JAKMIP3: variants seen among roughly 807,000 people sequenced by gnomAD.
JAKMIP3 encodes janus kinase and microtubule-interacting protein 3.
Under a neutral mutation model 118.5 loss-of-function variants are expected in JAKMIP3, and 58 were observed. That is an observed-to-expected ratio of 0.49 (90% CI 0.40 to 0.61). The LOEUF (loss-of-function observed/expected upper bound fraction) is 0.61. Among genes scored for constraint, JAKMIP3 ranks in the 20% least tolerant of loss-of-function variants. The pLI is 0.00. For missense variants in JAKMIP3, 950 were observed against 1,109.0 expected (o/e 0.86, Z 2.04); for synonymous variants, 486 against 451.2 (o/e 1.08, Z -0.98).
rs780250498 is a variant in JAKMIP3 at position 132,141,958 on chromosome 10, G to A, written c.1512G>A (p.Gln504=). 8.8e-6 allele frequency: 14 copies of A among 1,597,514 alleles called. 1 individual carries two copies. In the South Asian group the frequency reaches 1.2e-4, roughly 14 times the overall value. Reference sequence around the variant, plus strand: ...AGGAGACGGAGCTGAGGTTCCGGCAGCTGACCATGGAGTACCAGGCCCTGC... The same window carrying A: ...AGGAGACGGAGCTGAGGTTCCGGCAACTGACCATGGAGTACCAGGCCCTGC... ...AKEETELRFR[Q]LTMEYQALQR... is the part of the protein sequence containing the mutation. Residue 504 remains glutamine, a synonymous_variant, in exon 11 of 24, where the codon CAG becomes CAA. Coordinates refer to ENST00000684848, the MANE Select transcript of JAKMIP3 (RefSeq NM_001323087.2).
At chr10:132,166,212 G>A (rs1020666382) in intron 21 of JAKMIP3, among the ~76,000 whole-genome samples, 2 of 152,026 alleles carry the variant, frequency 1.3e-5, no homozygotes, top group Non-Finnish European at 2.9e-5. Flanking sequence ...TATAATCTCC[G>A]TTACTCAGGG....
Position 132,048,667 on chromosome 10 carries a change from C to CTTTTTTTTTTT in JAKMIP3, c.-138+11934_-138+11944dup, listed in dbSNP as rs35729418. Among the ~76,000 whole-genome samples the CTTTTTTTTTTT allele has an allele frequency of 1.1e-4, 14 of 129,764 alleles. 1 individual carries two copies. Among genetic ancestry groups the CTTTTTTTTTTT allele is most frequent in the East Asian group, 4.8e-4 (2 of 4,190 alleles). 85.1% of individuals were successfully genotyped at this position (129,764 alleles called of 152,430 possible). A position where few individuals can be genotyped will look rare whatever the true frequency, so the allele number is the denominator to read the frequency against. ...AATTCCAGGCTTGACTGTTTCTTTT[C>CTTTTTTTTTTT]TTTTTTTTTTTTTTTGAGATGGAGT... is the stretch of plus-strand genomic sequence containing the variant. On this transcript the variant is annotated intron_variant, in intron 1 of 23. Transcript: ENST00000657785.
intron 1 of JAKMIP3, among the ~76,000 whole-genome samples, chr10:132,103,437 TGGG>T (rs1425700349): frequency 1.5e-5 from 1 of 67,898 alleles, no homozygotes; most frequent in Non-Finnish European, 2.6e-5. Flanking sequence ...GAGGAGCACC[TGGG>T]GGAGAGGAGC....
At chr10:132,068,426 A>T (rs2039274632) in intron 1 of JAKMIP3, among the ~76,000 whole-genome samples, 2 of 152,182 alleles carry the variant, frequency 1.3e-5, no homozygotes, top group Non-Finnish European at 2.9e-5. Flanking sequence ...AGCCACTGAG[A>T]TGACTCTTTT....
chr10:132,055,240 G>T (rs1407487609), intron 1 of JAKMIP3, among the ~76,000 whole-genome samples: 1 of 152,146 alleles, frequency 6.6e-6, no homozygotes, highest in Non-Finnish European at 1.5e-5. Flanking sequence ...GCTATCAATA[G>T]AACTCTTTTC....
chr10:132,048,543 T>C (rs1318052833), intron 1 of JAKMIP3, among the ~76,000 whole-genome samples: 1 of 152,236 alleles, frequency 6.6e-6, no homozygotes, highest in Non-Finnish European at 1.5e-5. Flanking sequence ...CTTCAGGAGC[T>C]CCTGGCTGGC....
rs574102502 is a variant in JAKMIP3 at position 132,153,047 on chromosome 10, C to T, written c.2073+24C>T. 17 of 1,586,102 alleles carry T rather than the reference C, an allele frequency of 1.1e-5. No individual in the cohort carries two copies. In the Middle Eastern group the frequency reaches 8.3e-4, roughly 77 times the overall value. On this transcript the variant is annotated intron_variant, in intron 17 of 23. Transcript: ENST00000684848. ...AGGTAACAGCAGCTGTGTGGACAGT[C>T]GGGAGAGGGCCGGGCTCCTGGGGTC...
rs188197385 is a variant in JAKMIP3 at position 132,093,758 on chromosome 10, C to T, written c.-137-10914C>T. Among the ~76,000 whole-genome samples the T allele has an allele frequency of 9.2e-5, 14 of 152,186 alleles. No individual in the cohort carries two copies. The East Asian group carries it at 2.1e-3, about 23-fold the overall frequency. On this transcript the variant is annotated intron_variant, in intron 1 of 23. Transcript: ENST00000684848. ...CACCCACTGTCCTGCCCCCACTGTC[C>T]GACAAGCCCCAGTGAGATGAACCCA...
chr10:132,114,284 C>G (rs2047302386), intron 2 of JAKMIP3, among the ~76,000 whole-genome samples: 3 of 152,266 alleles, frequency 2.0e-5, no homozygotes, highest in Admixed American at 2.0e-4. Flanking sequence ...GGTGCGATCA[C>G]AGCTCACTGC....
intron 1 of JAKMIP3, among the ~76,000 whole-genome samples, chr10:132,102,874 A>G (rs558294569): frequency 1.3e-5 from 2 of 151,178 alleles, no homozygotes; most frequent in Admixed American, 1.3e-4. Context: ...ATGCAGGAGT[A>G]GGGGGGGAGG....
In JAKMIP3 at chr10:132,148,033, A is replaced by G; in HGVS notation, c.1831A>G (p.Arg611Gly). ...ARDQNELLEF[R>G]ILELEERERK... ...AGACCAAAACGAGCTGCTGGAGTTC[A>G]GGATCCTGGAGCTTGAGGTAGCTGA... Residue 611 changes from arginine (R) to glycine (G), a missense_variant, in exon 14 of 24, where the codon AGG becomes GGG. By Grantham distance (125) the Arg-to-Gly change is moderately radical. Transcript: ENST00000684848. 6.2e-7 allele frequency: 1 copy of G among 1,608,380 alleles called. No individual in the cohort carries two copies. The highest frequency in any genetic ancestry group is 8.5e-7 in the Non-Finnish European group (1 of 1,177,196).
intron 19 of JAKMIP3, among the ~76,000 whole-genome samples, chr10:132,162,902 C>T (rs933977305): frequency 8.5e-5 from 13 of 152,218 alleles, no homozygotes; most frequent in Non-Finnish European, 1.8e-4. Flanking sequence ...CCCCACAGGC[C>T]ACCTGCAGCC....
At chr10:132,169,586 G>A (rs7906713) in intron 23 of JAKMIP3, among the ~76,000 whole-genome samples, 2,846 of 152,162 alleles carry the variant, frequency 0.019, 88 homozygotes, top group African/African-American at 0.064. Flanking sequence ...GGGACTCAGC[G>A]GGGCCCTGGG....
intron 21 of JAKMIP3, among the ~76,000 whole-genome samples, chr10:132,165,522 C>T (rs966058661): frequency 6.6e-6 from 1 of 152,180 alleles, no homozygotes; most frequent in African/African-American, 2.4e-5. Flanking sequence ...GGGCTCCCTC[C>T]GAGGGCTGAA....
chr10:132,175,696 G>T (rs2060080278), intron 23 of JAKMIP3, among the ~76,000 whole-genome samples: 1 of 152,298 alleles, frequency 6.6e-6, no homozygotes, highest in East Asian at 1.9e-4. Flanking sequence ...GTCACAGACT[G>T]CCGCCTCCAT....
chr10:132,160,001 GGGGGGGCCTCTCCCTGTGTGATGCT>G, intron 19 of JAKMIP3, among the ~76,000 whole-genome samples: 1 of 34,478 alleles, frequency 2.9e-5, no homozygotes, highest in Non-Finnish European at 5.6e-5. Flanking sequence ...TGTCTTACTG[GGGGGGGCCTCTCCCTGTGTGATGCT>G]GGGGAGCCTC....
In JAKMIP3 at chr10:132,045,010, G is replaced by T. The variant is rs532140322; in HGVS notation, c.-138+8272G>T. On this transcript the variant is annotated intron_variant, in intron 1 of 23. Coordinates refer to the JAKMIP3 transcript ENST00000657785. Reference sequence around the variant, plus strand: ...ATCATCCGCGGGTGGACACTGGGGGGCTCCATGTTTCAGTCTTGCGAATCA... The same window carrying T: ...ATCATCCGCGGGTGGACACTGGGGGTCTCCATGTTTCAGTCTTGCGAATCA... Among the ~76,000 whole-genome samples, 12 of 152,208 alleles carry T rather than the reference G, an allele frequency of 7.9e-5. No homozygotes were observed. In the South Asian group the frequency reaches 2.5e-3, roughly 32 times the overall value.
At position 132,147,844 on chromosome 10, in the gene JAKMIP3, C is replaced by T. The variant is rs543512737; in HGVS notation, c.1750-108C>T. The T allele has an allele frequency of 4.0e-5, 30 of 757,176 alleles. No homozygotes were observed. The South Asian group carries it at 4.4e-4, about 11-fold the overall frequency. The allele number at this position is 757,176 out of a possible 1,614,324, so 46.9% of individuals were successfully genotyped here. ...TTCCAGGGCTGGGTACCAGGCCAGC[C>T]GGCCTCCCCGGCAGCCAGCAGCTGT... On this transcript the variant is annotated intron_variant, in intron 13 of 23. Coordinates refer to ENST00000684848, the MANE Select transcript of JAKMIP3 (RefSeq NM_001323087.2).
At chr10:132,167,299 G>A (rs911354397) in intron 22 of JAKMIP3, among the ~76,000 whole-genome samples, 59 of 152,338 alleles carry the variant, frequency 3.9e-4, no homozygotes, top group African/African-American at 1.2e-3. Flanking sequence ...TTTCCTGAAC[G>A]GGAAGGAGAG....
Sources: allele counts gnomAD v4.1 joint callset (sites outside exome capture counted in the v4.1 genomes callset), GRCh38; gene constraint gnomAD v4.1.1; transcripts MANE v1.5; gene names NCBI Gene and HGNC (gene_info 2026-07-23, HGNC 2026-07-21).